Variants in TEC observed in about 807,000 individuals in gnomAD.
TEC encodes the protein tyrosine-protein kinase Tec.
Under a neutral mutation model 93.0 loss-of-function variants are expected in TEC, and 72 were observed. That is an observed-to-expected ratio of 0.77 (90% CI 0.64 to 0.94). The LOEUF (loss-of-function observed/expected upper bound fraction) is 0.94, where lower values mean the gene tolerates loss of function less well. TEC is among the 40% of genes least tolerant of loss of function. TEC has a pLI of 0.00. For missense variants in TEC, 630 were observed against 757.9 expected, an observed-to-expected ratio of 0.83 and a Z score of 1.98; for synonymous variants, 249 against 247.7, an observed-to-expected ratio of 1.01 and a Z score of -0.05.
rs372899880 is a variant in TEC at position 48,150,853 on chromosome 4, G to A, written c.872+10C>T. 28 of 1,506,906 alleles carry A rather than the reference G, an allele frequency of 1.9e-5. No individual in the cohort carries two copies. The African/African-American group carries it at 3.2e-4, about 17-fold the overall frequency. 93.3% of individuals were successfully genotyped at this position (1,506,906 alleles called of 1,614,324 possible). A position where few individuals can be genotyped will look rare whatever the true frequency, so the allele number is the denominator to read the frequency against. Reference sequence around the variant, plus strand: ...TCTAAATTATAAAAAAAAATGGCAGGATTACTCACCCTCCAAACTTGGTAT... The same window carrying A: ...TCTAAATTATAAAAAAAAATGGCAGAATTACTCACCCTCCAAACTTGGTAT... On this transcript the variant is annotated intron_variant, in intron 10 of 17. Coordinates refer to ENST00000381501, the MANE Select transcript of TEC (RefSeq NM_003215.3).
intron 1 of TEC, among the ~76,000 whole-genome samples, chr4:48,230,277 G>A (rs1723609599): frequency 6.6e-6 from 1 of 151,870 alleles, no homozygotes; most frequent in African/African-American, 2.4e-5. Context: ...TTACTGATTG[G>A]TCATCATCCA....
Position 48,145,560 on chromosome 4 carries a change from A to G in TEC, c.1101T>C (p.Pro367=), listed in dbSNP as rs762877020. ...GFSYEKWEIN[P]SELTFMRELG... is the part of the protein sequence containing the mutation. ...ATTCCCTCATAAAGGTCAGTTCTGAAGGGTTAATCTCCCATTTCTCTGCAG... is the reference window on the plus strand; with the variant it reads ...ATTCCCTCATAAAGGTCAGTTCTGAGGGGTTAATCTCCCATTTCTCTGCAG... Residue 367 remains proline, a synonymous_variant, in exon 13 of 18, where the codon CCT becomes CCC. Coordinates refer to ENST00000381501, the MANE Select transcript of TEC (RefSeq NM_003215.3). 7.4e-5 allele frequency: 119 copies of G among 1,614,010 alleles called. No individual in the cohort carries two copies. The Admixed American group carries it at 2.0e-3, about 27-fold the overall frequency.
chr4:48,229,026 CTGGCA>C (rs1268128567), intron 1 of TEC, among the ~76,000 whole-genome samples: 1 of 152,220 alleles, frequency 6.6e-6, no homozygotes, highest in African/African-American at 2.4e-5. Flanking sequence ...CTGATTTACA[CTGGCA>C]TTTGAATTGC....
At chr4:48,232,398 A>C (rs1213542445) in intron 1 of TEC, among the ~76,000 whole-genome samples, 1 of 152,224 alleles carries the variant, frequency 6.6e-6, no homozygotes, top group Non-Finnish European at 1.5e-5. Context: ...CTTAGTCACC[A>C]TCTATCTCCC....
chr4:48,149,546 A>C lies in TEC; in HGVS notation c.1006+11T>G. 1 of 1,584,152 alleles carries C rather than the reference A, an allele frequency of 6.3e-7. No individual in the cohort carries two copies. Among genetic ancestry groups the C allele is most frequent in the Non-Finnish European group, 8.6e-7 (1 of 1,169,544 alleles). On this transcript the variant is annotated intron_variant, in intron 11 of 17. Coordinates refer to ENST00000381501, the MANE Select transcript of TEC (RefSeq NM_003215.3). ...CCTTATATTTGAAGTAGGTTTTCAC[A>C]GCTCACTTACCTGCTGCATTGTGCT...
intron 1 of TEC, among the ~76,000 whole-genome samples, chr4:48,231,745 A>G (rs1466698556): frequency 2.6e-5 from 4 of 152,110 alleles, no homozygotes; most frequent in Non-Finnish European, 5.9e-5. Flanking sequence ...CGACAGAGCA[A>G]GACTCCGTCT....
At chr4:48,248,500 A>G (rs1298419996) in intron 1 of TEC, among the ~76,000 whole-genome samples, 1 of 152,184 alleles carries the variant, frequency 6.6e-6, no homozygotes, top group Non-Finnish European at 1.5e-5. Flanking sequence ...TCACAAGCCC[A>G]GCGTCAGTAC....
Position 48,138,759 on chromosome 4 carries a change from T to A in TEC, c.1718A>T (p.Glu573Val). ...RMPFEKYTNY[E>V]VVTMVTRGHR... The stretch of plus-strand genomic sequence containing the variant: ...GCCTCGAGTAACCATGGTTACCACT[T>A]CATAATTGGTGTATTTTTCAAAAGG... The change falls in exon 17 of 18, where the codon GAA (glutamate) becomes GTA (valine). Residue 573 changes from glutamate to valine, a missense_variant. Transcript: ENST00000381501. 1 of 1,614,144 alleles carries A rather than the reference T, an allele frequency of 6.2e-7. No homozygotes were observed. The highest frequency in any genetic ancestry group is 8.5e-7 in the Non-Finnish European group (1 of 1,180,018).
intron 2 of TEC, among the ~76,000 whole-genome samples, chr4:48,218,951 T>C (rs918655426): frequency 6.6e-6 from 1 of 152,106 alleles, no homozygotes; most frequent in African/African-American, 2.4e-5. Context: ...AGAGGCACTG[T>C]GGGTGGAGGA....
rs762495995 is a variant in TEC, at chr4:48,139,028, G to A, written c.1536-6C>T. On this transcript the variant is annotated splice_polypyrimidine_tract_variant and splice_region_variant and intron_variant, in intron 15 of 17. Transcript: ENST00000381501. Reference sequence around the variant, plus strand: ...ACTGATCATCCAGAACATACCTAGAGTAAGACACACCATGGGTTTACACCT... The same window carrying A: ...ACTGATCATCCAGAACATACCTAGAATAAGACACACCATGGGTTTACACCT... 2.5e-6 allele frequency: 4 copies of A among 1,606,374 alleles called. No homozygotes were observed. In the South Asian group the frequency reaches 3.3e-5, roughly 13 times the overall value.
intron 14 of TEC, among the ~76,000 whole-genome samples, chr4:48,143,330 T>C (rs1331774352): frequency 6.6e-6 from 1 of 152,236 alleles, no homozygotes; most frequent in Non-Finnish European, 1.5e-5. Context: ...CAAAACATCA[T>C]CTGTGTGGAC....
chr4:48,200,671 T>A (rs1722476784), intron 2 of TEC, among the ~76,000 whole-genome samples: 1 of 152,232 alleles, frequency 6.6e-6, no homozygotes, highest in South Asian at 2.1e-4. Context: ...TAAGTTCTGG[T>A]CAATGAGATA....
intron 1 of TEC, among the ~76,000 whole-genome samples, chr4:48,263,739 A>G (rs888888178): frequency 1.3e-5 from 2 of 152,108 alleles, no homozygotes; most frequent in African/African-American, 4.8e-5. Context: ...AGAAACAGGA[A>G]CAAGGGCTCT....
chr4:48,235,225 C>A (rs1723754266), intron 1 of TEC, among the ~76,000 whole-genome samples: 1 of 152,102 alleles, frequency 6.6e-6, no homozygotes, highest in Non-Finnish European at 1.5e-5. Flanking sequence ...GGGGATCTAC[C>A]TGCTCCCTTA....
intron 2 of TEC, among the ~76,000 whole-genome samples, chr4:48,190,138 G>T (rs1722041234): frequency 6.6e-6 from 1 of 152,206 alleles, no homozygotes; most frequent in Non-Finnish European, 1.5e-5. Context: ...ATTCTAGTGA[G>T]TATGTATGCT....
intron 1 of TEC, among the ~76,000 whole-genome samples, chr4:48,265,448 T>TATATACACATATATACATATATATACAC (rs1194715256): frequency 6.4e-5 from 1 of 15,720 alleles, no homozygotes; most frequent in East Asian, 0.026. Flanking sequence ...TATATACGTA[T>TATATACACATATATACATATATATACAC]ATATATACAT....
At chr4:48,176,288 T>G in intron 2 of TEC, 102 bp from the exon 3 acceptor site, 1 of 753,174 alleles carries the variant, frequency 1.3e-6, no homozygotes, top group Non-Finnish European at 2.2e-6. Context: ...ATATTGCAAT[T>G]TCTTTAAAAT....
intron 7 of TEC, among the ~76,000 whole-genome samples, chr4:48,164,305 T>A (rs1049795712): frequency 6.6e-6 from 1 of 152,232 alleles, no homozygotes; most frequent in African/African-American, 2.4e-5. Flanking sequence ...TTGGGGCACC[T>A]GTTAAAACAG....
chr4:48,152,819 T>C (rs1252385124), intron 9 of TEC, among the ~76,000 whole-genome samples: 1 of 152,212 alleles, frequency 6.6e-6, no homozygotes, highest in African/African-American at 2.4e-5. Context: ...ACTATTGTTT[T>C]TTTAACATCA....
Sources: gnomAD v4.1 joint callset for allele counts (sites outside exome capture counted in the v4.1 genomes callset) on GRCh38, gnomAD v4.1.1 for gene constraint, MANE v1.5 for transcripts, NCBI Gene and HGNC (gene_info 2026-07-23, HGNC 2026-07-21) for gene names.